ABHD17C: variants seen among roughly 807,000 people sequenced by gnomAD.
ABHD17C encodes the protein abhydrolase domain containing 17C, depalmitoylase.
ABHD17C carries 11 observed loss-of-function variants against 27.9 expected under a neutral mutation model. The ratio of observed to expected loss-of-function variants is 0.39; its 90% confidence interval spans 0.25 to 0.65. ABHD17C has a LOEUF of 0.65. Ranked by LOEUF, ABHD17C falls within the 30% of genes least tolerant of loss-of-function variation. The pLI is 0.45. For synonymous variants in ABHD17C, 233 were observed against 209.1 expected (o/e 1.11, Z -0.98); for missense variants, 280 against 470.2 (o/e 0.60, Z 3.74).
intron 1 of ABHD17C, among the ~76,000 whole-genome samples, chr15:80,705,333 T>TTTTGTGTGTGTGTGTG (rs10523879): frequency 3.7e-5 from 4 of 106,890 alleles, no homozygotes; most frequent in Admixed American, 2.0e-4. Flanking sequence ...TTCCTATGAT[T>TTTTGTGTGTGTGTGTG]TGTGTGTGTG....
chr15:80,708,379 G>A (rs1407707967), intron 1 of ABHD17C, among the ~76,000 whole-genome samples: 2 of 152,108 alleles, frequency 1.3e-5, no homozygotes, highest in Admixed American at 1.3e-4. Context: ...ACAGTGGCAT[G>A]ATCTCAGCTC....
chr15:80,730,022 G>T (rs545421067), intron 1 of ABHD17C, among the ~76,000 whole-genome samples: 185 of 152,214 alleles, frequency 1.2e-3, no homozygotes, highest in Non-Finnish European at 2.0e-3. Context: ...AGGAGGCTGA[G>T]ACAGGAGAAC....
chr15:80,721,613 C>T (rs529803754), intron 1 of ABHD17C, among the ~76,000 whole-genome samples: 36 of 152,346 alleles, frequency 2.4e-4, no homozygotes, highest in Admixed American at 7.2e-4. Context: ...ATCGTCATCA[C>T]AGGCAAAATA....
At chr15:80,723,168 A>G (rs57470751) in intron 1 of ABHD17C, among the ~76,000 whole-genome samples, 2,945 of 76,422 alleles carry the variant, frequency 0.039, 89 homozygotes, top group Admixed American at 0.16. Flanking sequence ...GTGTGTGTGT[A>G]TCACATTTGT....
chr15:80,745,548 G>A (rs1461345213), intron 1 of ABHD17C, among the ~76,000 whole-genome samples: 1 of 151,904 alleles, frequency 6.6e-6, no homozygotes, highest in Non-Finnish European at 1.5e-5. Flanking sequence ...TTTTTATTTT[G>A]TGGAGATGGT....
chr15:80,736,849 A>G (rs569453096), intron 1 of ABHD17C, among the ~76,000 whole-genome samples: 1 of 152,326 alleles, frequency 6.6e-6, no homozygotes, highest in East Asian at 1.9e-4. Flanking sequence ...TAGAAGGAAA[A>G]GCAAGCCTTA....
In ABHD17C at chr15:80,747,141, G is replaced by A. The variant is rs538713382; in HGVS notation, c.591-2372G>A. Among the ~76,000 whole-genome samples, 10 of 152,102 alleles carry A rather than the reference G, an allele frequency of 6.6e-5. No homozygotes were observed. In the East Asian group the frequency reaches 1.7e-3, roughly 26 times the overall value. On this transcript the variant is annotated intron_variant, in intron 1 of 2. Coordinates refer to ENST00000258884, the MANE Select transcript of ABHD17C (RefSeq NM_021214.2). ...AAAATAATTGATAGGAAAATGAATG[G>A]CCTGTCCACAAGAGTGGTCATTGTG...
rs115758219 is a variant in ABHD17C at position 80,740,482 on chromosome 15, C to T, written c.591-9031C>T. On this transcript the variant is annotated intron_variant, in intron 1 of 2. Transcript: ENST00000258884. ...AAATCCCCTTACCTAAGCCAACTCCCGGGACTGGGAGTTGACCAAAGTAGG... is the reference window on the plus strand; with the variant it reads ...AAATCCCCTTACCTAAGCCAACTCCTGGGACTGGGAGTTGACCAAAGTAGG... Among the ~76,000 whole-genome samples, 695 of 152,126 alleles carry T rather than the reference C, an allele frequency of 4.6e-3. 3 individuals carry two copies. Among genetic ancestry groups the T allele is most frequent in the African/African-American group, 0.015 (634 of 41,478 alleles).
At chr15:80,747,263 T>C (rs1895300947) in intron 1 of ABHD17C, among the ~76,000 whole-genome samples, 1 of 152,134 alleles carries the variant, frequency 6.6e-6, no homozygotes, top group South Asian at 2.1e-4. Flanking sequence ...CATATGCTTT[T>C]TGGGGTCGTA....
intron 1 of ABHD17C, among the ~76,000 whole-genome samples, chr15:80,737,594 A>G (rs369851488): frequency 4.5e-4 from 69 of 152,340 alleles, no homozygotes; most frequent in African/African-American, 1.6e-3. Flanking sequence ...TTGTAAGTGT[A>G]GGGCATGCCA....
chr15:80,713,351 G>GTTTTTTTTTT (rs1596062478), intron 1 of ABHD17C, among the ~76,000 whole-genome samples: 7 of 28,132 alleles, frequency 2.5e-4, no homozygotes, highest in Admixed American at 1.1e-3. Flanking sequence ...CTGAGGTCTT[G>GTTTTTTTTTT]TTCTTTTTTT....
intron 1 of ABHD17C, among the ~76,000 whole-genome samples, chr15:80,706,819 A>G (rs1257428872): frequency 1.3e-5 from 2 of 152,232 alleles, no homozygotes; most frequent in African/African-American, 2.4e-5. Context: ...CCCTATTGTC[A>G]TAAATAACTC....
rs77938316 is a variant in ABHD17C, at chr15:80,718,634, C to T, written c.590+22615C>T. ...CAGGCATGAGCCACCCATGCCCAGC[C>T]GCTTCTTGTAATTTTAAACCCCACA... On this transcript the variant is annotated intron_variant, in intron 1 of 2. Transcript: ENST00000258884. Among the ~76,000 whole-genome samples the T allele has an allele frequency of 2.0e-3, 298 of 152,232 alleles. 2 individuals are homozygous for T. In the East Asian group the frequency reaches 0.027, roughly 14 times the overall value.
chr15:80,745,901 A>T (rs781661750), intron 1 of ABHD17C, among the ~76,000 whole-genome samples: 6 of 152,234 alleles, frequency 3.9e-5, no homozygotes, highest in Non-Finnish European at 7.3e-5. Flanking sequence ...ACATGCACTC[A>T]GTCTAGTAGA....
At chr15:80,699,562 C>G (rs939622030) in intron 1 of ABHD17C, among the ~76,000 whole-genome samples, 2 of 152,196 alleles carry the variant, frequency 1.3e-5, no homozygotes, top group Non-Finnish European at 2.9e-5. Context: ...CATCTTTTAT[C>G]CATTACCTAT....
intron 1 of ABHD17C, among the ~76,000 whole-genome samples, chr15:80,697,626 C>CTT (rs35478204): frequency 0.018 from 2,678 of 145,946 alleles, 32 homozygotes; most frequent in Middle Eastern, 0.036. Flanking sequence ...TTCCTGGAAA[C>CTT]TTTTTTTTTT....
chr15:80,730,114 A>C (rs1216064295), intron 1 of ABHD17C, among the ~76,000 whole-genome samples: 1 of 152,186 alleles, frequency 6.6e-6, no homozygotes, highest in East Asian at 1.9e-4. Context: ...ATCTCAAAAA[A>C]AAAAAGCTGG....
chr15:80,699,011 C>T (rs542147906), intron 1 of ABHD17C, among the ~76,000 whole-genome samples: 19 of 152,328 alleles, frequency 1.2e-4, no homozygotes, highest in Admixed American at 4.6e-4. Context: ...AGGACTTTGC[C>T]CCACTCTTCT....
intron 1 of ABHD17C, among the ~76,000 whole-genome samples, chr15:80,740,940 A>AATC (rs1324077930): frequency 6.6e-6 from 1 of 152,196 alleles, no homozygotes; most frequent in Non-Finnish European, 1.5e-5. Context: ...AGATTTCATG[A>AATC]AGTCCAGGGA....
Sources: gnomAD v4.1 joint callset for allele counts (sites outside exome capture counted in the v4.1 genomes callset) on GRCh38, gnomAD v4.1.1 for gene constraint, MANE v1.5 for transcripts, NCBI Gene and HGNC (gene_info 2026-07-23, HGNC 2026-07-21) for gene names.